DYM: variants seen among roughly 807,000 people sequenced by gnomAD.
The protein encoded by DYM is dyggve-Melchior-Clausen syndrome protein.
Under a neutral mutation model 93.1 loss-of-function variants are expected in DYM, and 78 were observed. That is an observed-to-expected ratio of 0.84 (90% CI 0.70 to 1.01). The LOEUF (loss-of-function observed/expected upper bound fraction) is 1.01, where lower values mean the gene tolerates loss of function less well. DYM is among the 50% of genes least tolerant of loss of function. The probability of loss-of-function intolerance (pLI) is 0.00; values close to 1 mark genes in which losing one functional copy is unlikely to be tolerated. For missense variants in DYM, 789 were observed against 845.0 expected (o/e 0.93, Z 0.82); for synonymous variants, 321 against 319.7 (o/e 1.00, Z -0.04).
chr18:49,143,104 T>C (rs968783042), intron 15 of DYM, among the ~76,000 whole-genome samples: 13 of 152,218 alleles, frequency 8.5e-5, no homozygotes, highest in Non-Finnish European at 2.9e-5. Flanking sequence ...GATCATGGCA[T>C]TATGCCAAGA....
At chr18:49,302,237 T>C (rs529020246) in intron 8 of DYM, among the ~76,000 whole-genome samples, 19 of 152,176 alleles carry the variant, frequency 1.2e-4, no homozygotes, top group Non-Finnish European at 2.5e-4. Flanking sequence ...CAGATTTACA[T>C]CCACCATTAT....
intron 2 of DYM, among the ~76,000 whole-genome samples, chr18:49,407,669 C>T (rs1333934053): frequency 6.6e-6 from 1 of 152,166 alleles, no homozygotes; most frequent in African/African-American, 2.4e-5. Flanking sequence ...GCCACCATGA[C>T]CCAAACACTT....
intron 14 of DYM, among the ~76,000 whole-genome samples, chr18:49,182,682 T>C (rs2090044398): frequency 6.6e-6 from 1 of 152,196 alleles, no homozygotes; most frequent in Admixed American, 6.5e-5. Flanking sequence ...TTTTTTCCCC[T>C]TTTTCCATTT....
intron 15 of DYM, among the ~76,000 whole-genome samples, chr18:49,143,881 C>A (rs1364404656): frequency 1.3e-5 from 2 of 152,058 alleles, no homozygotes; most frequent in Non-Finnish European, 2.9e-5. Context: ...TTCCTCTTCT[C>A]CAGGGTTATT....
intron 14 of DYM, among the ~76,000 whole-genome samples, chr18:49,196,737 T>C (rs2091489691): frequency 1.3e-5 from 2 of 152,050 alleles, no homozygotes; most frequent in South Asian, 4.2e-4. Context: ...GAATGTAGCA[T>C]CCTAAGGGCA....
chr18:49,460,347 A>G (rs1054709737), intron 1 of DYM, 51 bp downstream of exon 1: 9 of 152,146 alleles, frequency 5.9e-5, no homozygotes, highest in Non-Finnish European at 1.3e-4. Context: ...GGCCGGGGAC[A>G]GCCAGGCTTT....
At chr18:49,435,173 ACTTCAGT>A (rs2080718968) in intron 1 of DYM, among the ~76,000 whole-genome samples, 1 of 147,134 alleles carries the variant, frequency 6.8e-6, no homozygotes, top group African/African-American at 2.5e-5. Flanking sequence ...ATGCCACTGC[ACTTCAGT>A]CTGGGGAACA....
chr18:49,067,238 G>T (rs1391934034), intron 17 of DYM, among the ~76,000 whole-genome samples: 3 of 143,400 alleles, frequency 2.1e-5, no homozygotes, highest in Non-Finnish European at 4.6e-5. Context: ...AGAGGAAGGA[G>T]TGGGGTGACA....
At chr18:49,206,131 T>C (rs1470056013) in intron 14 of DYM, among the ~76,000 whole-genome samples, 1 of 151,424 alleles carries the variant, frequency 6.6e-6, no homozygotes, top group Non-Finnish European at 1.5e-5. Context: ...CCTGAGTAGC[T>C]GGGACTACAA....
At chr18:49,263,284 A>G (rs1184186522) in intron 11 of DYM, among the ~76,000 whole-genome samples, 3 of 151,870 alleles carry the variant, frequency 2.0e-5, no homozygotes, top group South Asian at 2.1e-4. Context: ...ACACTCGGCT[A>G]ATTTTTGTAT....
chr18:49,310,828 T>C (rs1228657759), intron 8 of DYM, among the ~76,000 whole-genome samples: 2 of 152,168 alleles, frequency 1.3e-5, no homozygotes, highest in Admixed American at 6.5e-5. Flanking sequence ...TCTAGCCAAA[T>C]GTTGTTCAAT....
Position 49,089,704 on chromosome 18 carries a change from C to T in DYM, c.2025+7698G>A, listed in dbSNP as rs116972671. Among the ~76,000 whole-genome samples the T allele has an allele frequency of 1.8e-3, 275 of 152,202 alleles. 2 individuals carry two copies. Among genetic ancestry groups the T allele is most frequent in the Non-Finnish European group, 2.6e-3 (179 of 67,980 alleles). ...TTAGAATCTCAGGTGGGATCCGGAA[C>T]CTGCATATGAAAAGAGTGCTCCAGG... On this transcript the variant is annotated intron_variant, in intron 17 of 17. Transcript: ENST00000675505.
At chr18:49,088,580 T>C (rs1440749772) in intron 17 of DYM, among the ~76,000 whole-genome samples, 1 of 151,356 alleles carries the variant, frequency 6.6e-6, no homozygotes, top group African/African-American at 2.4e-5. Flanking sequence ...CCTAACAGCC[T>C]TTTTTAAACA....
At position 49,460,103 on chromosome 18, in the gene DYM, G is replaced by A. The variant is rs78344709; in HGVS notation, c.-54+295C>T. ...AAACCCAACAGCTATTGCTCACCCT[G>A]CCCATCACACGCCCATTTGTCAGAC... On this transcript the variant is annotated intron_variant, in intron 1 of 17. Coordinates refer to ENST00000675505, the MANE Select transcript of DYM (RefSeq NM_001353214.3). Among the ~76,000 whole-genome samples the A allele has an allele frequency of 0.099, 15,139 of 152,204 alleles. 999 individuals are homozygous for A. The highest frequency in any genetic ancestry group is 0.31 in the East Asian group (1,587 of 5,154).
At chr18:49,262,084 A>C (rs1204292367) in intron 11 of DYM, among the ~76,000 whole-genome samples, 1 of 152,212 alleles carries the variant, frequency 6.6e-6, no homozygotes, top group Non-Finnish European at 1.5e-5. Context: ...AATATAATCA[A>C]GATGAGACTG....
chr18:49,054,683 C>G (rs1366235921), intron 17 of DYM, among the ~76,000 whole-genome samples: 1 of 152,142 alleles, frequency 6.6e-6, no homozygotes, highest in African/African-American at 2.4e-5. Context: ...TCTAGGAACA[C>G]CATGGCTGGC....
chr18:49,044,012 G>T lies in DYM; in HGVS notation c.*43C>A. 6.2e-7 allele frequency: 1 copy of T among 1,610,554 alleles called. No homozygotes were observed. Among genetic ancestry groups the T allele is most frequent in the Non-Finnish European group, 8.5e-7 (1 of 1,178,900 alleles). ...TACCCAGAAATAAAAGAACTTGAAG[G>T]GCTGCTTGGCTGGAGGGGTCCGGGT... On this transcript the variant is annotated 3_prime_UTR_variant, in exon 18 of 18. Transcript: ENST00000675505.
At chr18:49,248,351 T>C (rs1353086469) in intron 13 of DYM, among the ~76,000 whole-genome samples, 1 of 152,228 alleles carries the variant, frequency 6.6e-6, no homozygotes, top group Non-Finnish European at 1.5e-5. Flanking sequence ...TCCAGATTTA[T>C]TTTTAGATTC....
intron 13 of DYM, among the ~76,000 whole-genome samples, chr18:49,244,090 G>A (rs187172270): frequency 1.7e-4 from 26 of 152,156 alleles, no homozygotes; most frequent in African/African-American, 5.8e-4. Flanking sequence ...CTCAAACCCC[G>A]AAGTCCTCAC....
Sources: allele counts gnomAD v4.1 joint callset (sites outside exome capture counted in the v4.1 genomes callset), GRCh38; gene constraint gnomAD v4.1.1; transcripts MANE v1.5; gene names NCBI Gene and HGNC (gene_info 2026-07-23, HGNC 2026-07-21).